The following PMFBP1 variants were observed in gnomAD, a reference collection of about 807,000 sequenced individuals.
PMFBP1 encodes polyamine-modulated factor 1-binding protein 1.
In PMFBP1, 131 loss-of-function variants were observed where a neutral mutation model predicts 137.8. The ratio of observed to expected loss-of-function variants is 0.95; its 90% CI spans 0.82 to 1.10. The LOEUF (loss-of-function observed/expected upper bound fraction) is 1.10, where lower values mean the gene tolerates loss of function less well. Ranked by LOEUF, PMFBP1 falls within the 50% of genes least tolerant of loss-of-function variation. The pLI, the probability that PMFBP1 is intolerant of heterozygous loss-of-function variation, is 0.00. For missense variants in PMFBP1, 1,199 were observed against 1,175.4 expected, an observed-to-expected ratio of 1.02 and a Z score of -0.29; for synonymous variants, 490 against 450.4, an observed-to-expected ratio of 1.09 and a Z score of -1.11.
At chr16:72,207,187 G>A in the PMFBP1 span, among the ~76,000 whole-genome samples, 1 of 152,140 alleles carries the variant, frequency 6.6e-6, no homozygotes, top group Admixed American at 6.5e-5. Context: ...AGGGTGAAGG[G>A]AGATGGAAGA....
intron 14 of PMFBP1, among the ~76,000 whole-genome samples, chr16:72,126,771 G>A (rs933022386): frequency 3.3e-5 from 5 of 152,202 alleles, no homozygotes; most frequent in Admixed American, 1.3e-4. Flanking sequence ...TTTCAACATC[G>A]TAATGAGTAT....
the PMFBP1 span, among the ~76,000 whole-genome samples, chr16:72,185,336 T>A: frequency 6.6e-6 from 1 of 152,094 alleles, no homozygotes; most frequent in Non-Finnish European, 1.5e-5. Flanking sequence ...GTGTCCTGTT[T>A]TCTGACCCTC....
intron 4 of PMFBP1, among the ~76,000 whole-genome samples, chr16:72,153,886 A>G (rs540284010): frequency 1.3e-5 from 2 of 148,606 alleles, no homozygotes; most frequent in Non-Finnish European, 3.0e-5. Context: ...TTGCATTTAC[A>G]TTGCAATGGT....
chr16:72,125,520 A>C, intron 15 of PMFBP1, 115 bp from the exon 16 acceptor site: 2 of 1,190,554 alleles, frequency 1.7e-6, no homozygotes, highest in Non-Finnish European at 2.3e-6. Context: ...GGTGACACGG[A>C]CGGTCACCTT....
At chr16:72,133,332 C>T (rs1352609241) in intron 9 of PMFBP1, among the ~76,000 whole-genome samples, 1 of 152,062 alleles carries the variant, frequency 6.6e-6, no homozygotes, top group Non-Finnish European at 1.5e-5. Flanking sequence ...GTGTCCACCA[C>T]CACGCCTGGC....
At chr16:72,124,425 G>A (rs1364188900) in intron 17 of PMFBP1, among the ~76,000 whole-genome samples, 1 of 152,260 alleles carries the variant, frequency 6.6e-6, no homozygotes. Flanking sequence ...AGCCCAGAAG[G>A]TCACTTAGTC....
At chr16:72,188,489 A>G in the PMFBP1 span, among the ~76,000 whole-genome samples, 1 of 152,322 alleles carries the variant, frequency 6.6e-6, no homozygotes, top group South Asian at 2.1e-4. Context: ...TAATAGGAAT[A>G]TTCTTGAATA....
At chr16:72,197,811 C>A in the PMFBP1 span, among the ~76,000 whole-genome samples, 1 of 152,146 alleles carries the variant, frequency 6.6e-6, no homozygotes, top group African/African-American at 2.4e-5. Context: ...CAAATGGAGA[C>A]TCTGATCTGC....
the PMFBP1 span, chr16:72,224,624 A>T: frequency 7.2e-5 from 11 of 152,552 alleles, no homozygotes; most frequent in Admixed American, 7.2e-4. Context: ...GCTCTGCCTG[A>T]CAAATTTTAA....
At position 72,154,432 on chromosome 16, in the gene PMFBP1, A is replaced by T; in HGVS notation, c.193T>A (p.Phe65Ile). 1.9e-6 allele frequency: 3 copies of T among 1,614,134 alleles called. No individual in the cohort carries two copies. The highest frequency in any genetic ancestry group is 2.5e-6 in the Non-Finnish European group (3 of 1,179,976). The change falls in exon 4 of 21, where the codon TTC (phenylalanine) becomes ATC (isoleucine). Residue 65 changes from phenylalanine to isoleucine, a missense_variant. By Grantham distance (21) the Phe-to-Ile change is conservative. Coordinates refer to ENST00000237353, the MANE Select transcript of PMFBP1 (RefSeq NM_031293.3). Reference sequence around the variant, plus strand: ...CCAAATTCCACCTCTGACTCCTCGAATGCTAATGCCTGTGCTTGCTTCTTG... The same window carrying T: ...CCAAATTCCACCTCTGACTCCTCGATTGCTAATGCCTGTGCTTGCTTCTTG... ...HDKKQAQALAFEESEVEFGSS... is the reference protein window; with the variant it reads ...HDKKQAQALAIEESEVEFGSS...
At chr16:72,121,443 G>A (rs1194914040) in intron 19 of PMFBP1, among the ~76,000 whole-genome samples, 17 of 152,154 alleles carry the variant, frequency 1.1e-4, no homozygotes, top group Non-Finnish European at 7.4e-5. Flanking sequence ...TTATTCCAAA[G>A]GTCTCATCCT....
the PMFBP1 span, among the ~76,000 whole-genome samples, chr16:72,209,560 C>T: frequency 6.6e-6 from 1 of 151,888 alleles, no homozygotes; most frequent in Non-Finnish European, 1.5e-5. Flanking sequence ...TATACATTGT[C>T]ATCATAATAT....
chr16:72,188,498 T>TA, the PMFBP1 span, among the ~76,000 whole-genome samples: 1 of 152,222 alleles, frequency 6.6e-6, no homozygotes, highest in East Asian at 1.9e-4. Flanking sequence ...TATTCTTGAA[T>TA]AAAGCACTGT....
At chr16:72,181,915 A>G in the PMFBP1 span, among the ~76,000 whole-genome samples, 2 of 152,254 alleles carry the variant, frequency 1.3e-5, no homozygotes, top group Non-Finnish European at 2.9e-5. Context: ...TGGAAGAAGA[A>G]GAATTGTCTT....
upstream of PMFBP1, among the ~76,000 whole-genome samples, chr16:72,179,046 G>T (rs1164207422): frequency 3.3e-5 from 5 of 152,154 alleles, no homozygotes; most frequent in Admixed American, 6.5e-5. Context: ...CTTAAGAAAA[G>T]ATTTTCCAAA....
the PMFBP1 span, among the ~76,000 whole-genome samples, chr16:72,239,681 C>G: frequency 2.6e-5 from 4 of 151,822 alleles, no homozygotes. Flanking sequence ...ATCACAAGGT[C>G]AGGAGATCGA....
chr16:72,217,030 G>A, the PMFBP1 span, among the ~76,000 whole-genome samples: 3 of 152,188 alleles, frequency 2.0e-5, no homozygotes, highest in African/African-American at 7.2e-5. Flanking sequence ...AGGACTTTGA[G>A]TTGTTTTCCC....
At chr16:72,232,810 G>A in the PMFBP1 span, among the ~76,000 whole-genome samples, 13 of 152,172 alleles carry the variant, frequency 8.5e-5, no homozygotes, top group South Asian at 6.2e-4. Context: ...TGGGAGTTCT[G>A]GTCAGCAAAC....
Position 72,124,787 on chromosome 16 carries a change from G to C in PMFBP1, c.2569C>G (p.Leu857Val), listed in dbSNP as rs763918270. 1 of 1,614,070 alleles carries C rather than the reference G, an allele frequency of 6.2e-7. No individual in the cohort carries two copies. The change falls in exon 17 of 21, where the codon CTC (leucine) becomes GTC (valine). Residue 857 changes from leucine to valine, a missense_variant. Coordinates refer to ENST00000237353, the MANE Select transcript of PMFBP1 (RefSeq NM_031293.3). ...QEEMAALKEN[L>V]LEDDKEPCCL... ...CCCACCTCCTTATCGTCCTCAAGGAGGTTCTCTTTTAAGGCGGCCATCTCC... is the reference window on the plus strand; with the variant it reads ...CCCACCTCCTTATCGTCCTCAAGGACGTTCTCTTTTAAGGCGGCCATCTCC...
Sources: gnomAD v4.1 joint callset for allele counts (sites outside exome capture counted in the v4.1 genomes callset) on GRCh38, gnomAD v4.1.1 for gene constraint, MANE v1.5 for transcripts, NCBI Gene and HGNC (gene_info 2026-07-23, HGNC 2026-07-21) for gene names.